The following VEZT variants were observed in gnomAD, a reference collection of about 807,000 sequenced individuals.
The protein encoded by VEZT is vezatin, adherens junctions transmembrane protein.
In VEZT, 39 loss-of-function variants were observed where a neutral mutation model predicts 79.9. The ratio of observed to expected loss-of-function variants is 0.49; its 90% CI spans 0.38 to 0.64. The LOEUF (loss-of-function observed/expected upper bound fraction) is 0.64. VEZT is among the 30% of genes least tolerant of loss of function. The pLI is 0.00. For missense variants in VEZT, 837 were observed against 893.1 expected, an observed-to-expected ratio of 0.94 and a Z score of 0.80; for synonymous variants, 325 against 327.6, an observed-to-expected ratio of 0.99 and a Z score of 0.09.
chr12:95,296,351 G>A (rs766735068), intron 11 of VEZT, 93 bp downstream of exon 11: 221 of 1,308,344 alleles, frequency 1.7e-4, no homozygotes, highest in Non-Finnish European at 2.1e-4. Flanking sequence ...AGAATTCTTG[G>A]GGTTTTATAA....
intron 1 of VEZT, among the ~76,000 whole-genome samples, chr12:95,241,722 TTTTTTGTTTCTAC>T (rs142552123): frequency 0.11 from 17,149 of 152,226 alleles, 1,255 homozygotes; most frequent in East Asian, 0.16. Context: ...ACATAGTAGT[TTTTTTGTTTCTAC>T]TTTTTGTTTT....
At position 95,300,161 on chromosome 12, in the gene VEZT, G is replaced by A. The variant is rs1456414118; in HGVS notation, c.1832-4G>A. On this transcript the variant is annotated splice_polypyrimidine_tract_variant and splice_region_variant and intron_variant, in intron 11 of 11. Transcript: ENST00000436874. Reference sequence around the variant, plus strand: ...TTTTCTTTTTTCTTTTTTTTTATTTGAAGCCGTGTTGAAATCCTTGTCTCC... The same window carrying A: ...TTTTCTTTTTTCTTTTTTTTTATTTAAAGCCGTGTTGAAATCCTTGTCTCC... 1.5e-6 allele frequency: 2 copies of A among 1,360,438 alleles called. No individual in the cohort carries two copies. The highest frequency in any genetic ancestry group is 1.9e-6 in the Non-Finnish European group (2 of 1,047,590). The allele number at this position is 1,360,438 out of a possible 1,614,324, so 84.3% of individuals were successfully genotyped here.
chr12:95,221,289 A>G (rs1384860829), intron 1 of VEZT, among the ~76,000 whole-genome samples: 1 of 152,200 alleles, frequency 6.6e-6, no homozygotes, highest in Non-Finnish European at 1.5e-5. Context: ...AGATTGGACC[A>G]ACCGTGGCTC....
Position 95,294,315 on chromosome 12 carries a change from A to G in VEZT, c.1566A>G (p.Val522=). The change falls in exon 10 of 12, where the codon GTA becomes GTG. Residue 522 remains valine, a synonymous_variant. Transcript: ENST00000436874. Reference sequence around the variant, plus strand: ...GTGAAAACCCACATTGTACAGTAGTACCTTTGAAGCAGCCTACTCTACACA... The same window carrying G: ...GTGAAAACCCACATTGTACAGTAGTGCCTTTGAAGCAGCCTACTCTACACA... The part of the protein sequence containing the change: ...IACENPHCTV[V]PLKQPTLHIA... 1.3e-6 allele frequency: 2 copies of G among 1,594,000 alleles called. No homozygotes were observed. The highest frequency in any genetic ancestry group is 1.7e-6 in the Non-Finnish European group (2 of 1,169,668).
intron 9 of VEZT, among the ~76,000 whole-genome samples, chr12:95,289,996 T>C (rs2072299635): frequency 6.6e-6 from 1 of 152,210 alleles, no homozygotes; most frequent in African/African-American, 2.4e-5. Flanking sequence ...TATGCATTTT[T>C]GTAAAACAGG....
intron 3 of VEZT, chr12:95,258,226 TAATGC>T (rs766869276): frequency 6.6e-5 from 30 of 455,794 alleles, no homozygotes; most frequent in South Asian, 4.7e-4. Flanking sequence ...CGTCTACATA[TAATGC>T]CATTTTTATC....
At chr12:95,230,514 C>T (rs529631070) in intron 1 of VEZT, among the ~76,000 whole-genome samples, 2 of 150,310 alleles carry the variant, frequency 1.3e-5, no homozygotes, top group African/African-American at 4.9e-5. Flanking sequence ...AACTCCTAGG[C>T]TCCAGCTATC....
At chr12:95,292,576 TCG>T in intron 9 of VEZT, among the ~76,000 whole-genome samples, 1 of 147,474 alleles carries the variant, frequency 6.8e-6, no homozygotes, top group South Asian at 2.1e-4. Context: ...TGAGACAAAG[TCG>T]CACTCTGTCG....
chr12:95,289,093 T>TA lies in VEZT; in HGVS notation c.1522+1239dup, dbSNP rs1381441339. On this transcript the variant is annotated intron_variant, in intron 9 of 11. Transcript: ENST00000436874. ...CGAGACTCCGTCTCAAAAAAAAAAATAAATAAATAAATAAATAAATAAATA... is the reference window on the plus strand; with the variant it reads ...CGAGACTCCGTCTCAAAAAAAAAAATAAAATAAATAAATAAATAAATAAATA... Among the ~76,000 whole-genome samples, 44 of 107,668 alleles carry TA rather than the reference T, an allele frequency of 4.1e-4. 5 individuals are homozygous for TA. The highest frequency in any genetic ancestry group is 2.0e-3 in the East Asian group (8 of 4,024). The allele number at this position is 107,668 out of a possible 152,430, so 70.6% of individuals were successfully genotyped here.
At chr12:95,252,918 T>G (rs2062846735) in intron 2 of VEZT, among the ~76,000 whole-genome samples, 1 of 152,194 alleles carries the variant, frequency 6.6e-6, no homozygotes, top group South Asian at 2.1e-4. Flanking sequence ...TGAACCAAGA[T>G]TGTGCCATTG....
chr12:95,222,601 T>C (rs1369327849), intron 1 of VEZT, among the ~76,000 whole-genome samples: 1 of 152,214 alleles, frequency 6.6e-6, no homozygotes, highest in African/African-American at 2.4e-5. Flanking sequence ...GCTGTATTTT[T>C]CTTCAGGATT....
chr12:95,248,744 T>G (rs1015843678), intron 1 of VEZT, among the ~76,000 whole-genome samples: 2 of 148,912 alleles, frequency 1.3e-5, no homozygotes, highest in Non-Finnish European at 3.0e-5. Context: ...TCCCAGCTAC[T>G]CACGAGGCTG....
At chr12:95,242,598 G>C (rs1200280576) in intron 1 of VEZT, among the ~76,000 whole-genome samples, 2 of 152,098 alleles carry the variant, frequency 1.3e-5, no homozygotes, top group Non-Finnish European at 2.9e-5. Flanking sequence ...AATGGGCCGG[G>C]CGTGGTGGCT....
rs2057342597 is a variant in VEZT, at chr12:95,220,100, A to G, written c.36+2214A>G. Among the ~76,000 whole-genome samples, 3 of 152,200 alleles carry G rather than the reference A, an allele frequency of 2.0e-5. No homozygotes were observed. The South Asian group carries it at 6.2e-4, about 32-fold the overall frequency. On this transcript the variant is annotated intron_variant, in intron 1 of 11. Coordinates refer to ENST00000436874, the MANE Select transcript of VEZT (RefSeq NM_017599.4). Reference sequence around the variant, plus strand: ...ACATAAGGACAGGGCACAGATCACAAGTGTGTGGATGGTTATATTTTCACA... The same window carrying G: ...ACATAAGGACAGGGCACAGATCACAGGTGTGTGGATGGTTATATTTTCACA...
rs2075111456 is a variant in VEZT, at chr12:95,300,674, G to A, written c.*1G>A. 1.3e-6 allele frequency: 2 copies of A among 1,574,958 alleles called. No individual in the cohort carries two copies. Among genetic ancestry groups the A allele is most frequent in the African/African-American group, 1.4e-5 (1 of 73,676 alleles). On this transcript the variant is annotated 3_prime_UTR_variant, in exon 12 of 12. Transcript: ENST00000436874. ...TAAAAATGAGATAGAAGAAAAGTAAGAACCAAGATTCATATGAAGTGATAT... is the reference window on the plus strand; with the variant it reads ...TAAAAATGAGATAGAAGAAAAGTAAAAACCAAGATTCATATGAAGTGATAT...
At chr12:95,245,477 A>G (rs753794554) in intron 1 of VEZT, 2 of 455,064 alleles carry the variant, frequency 4.4e-6, no homozygotes, top group East Asian at 7.0e-5. Flanking sequence ...ACAAGATAAA[A>G]CTCTTTTGGG....
intron 1 of VEZT, among the ~76,000 whole-genome samples, chr12:95,226,644 T>G (rs2058533799): frequency 3.0e-5 from 4 of 132,352 alleles, no homozygotes; most frequent in Admixed American, 3.0e-4. Flanking sequence ...GTACTATATT[T>G]TGGGTCATTT....
intron 7 of VEZT, chr12:95,275,997 G>C (rs1425401409): frequency 6.6e-6 from 1 of 151,932 alleles, no homozygotes; most frequent in African/African-American, 2.4e-5. Context: ...ATTGAAAGTT[G>C]GTAATTTCAT....
chr12:95,294,506 C>A, intron 10 of VEZT, 134 bp downstream of exon 10: 1 of 734,078 alleles, frequency 1.4e-6, no homozygotes, highest in Non-Finnish European at 2.2e-6. Context: ...ATTGAATCTG[C>A]CTGCAGACTT....
Sources: allele counts gnomAD v4.1 joint callset (sites outside exome capture counted in the v4.1 genomes callset), GRCh38; gene constraint gnomAD v4.1.1; transcripts MANE v1.5; gene names NCBI Gene and HGNC (gene_info 2026-07-23, HGNC 2026-07-21).